Variants in DNAH14 observed in about 807,000 individuals in gnomAD.
DNAH14 encodes the protein axonemal beta dynein heavy chain 14.
Under a neutral mutation model 520.9 loss-of-function variants are expected in DNAH14, and 478 were observed. The ratio of observed to expected loss-of-function variants is 0.92; its 90% CI spans 0.85 to 0.99. DNAH14 has a LOEUF of 0.99. DNAH14 is among the 50% of genes least tolerant of loss of function. The pLI, the probability that DNAH14 is intolerant of heterozygous loss-of-function variation, is 0.00. For missense variants in DNAH14, 4,831 were observed against 5,234.5 expected (o/e 0.92, Z 2.38); for synonymous variants, 1,581 against 1,757.2 (o/e 0.90, Z 2.51).
Position 225,335,686 on chromosome 1 carries a change from C to T in DNAH14, c.10081-1580C>T, listed in dbSNP as rs1206383516. Among the ~76,000 whole-genome samples the T allele has an allele frequency of 1.3e-4, 11 of 86,482 alleles. 3 individuals carry two copies. Among genetic ancestry groups the T allele is most frequent in the Admixed American group, 8.7e-4 (9 of 10,316 alleles). 56.7% of individuals were successfully genotyped at this position (86,482 alleles called of 152,430 possible). On this transcript the variant is annotated intron_variant, in intron 66 of 85. Transcript: ENST00000682510. ...ACATATGTGCATATATGTATATACGCATATATACATATGTGCATATATGTA... is the reference window on the plus strand; with the variant it reads ...ACATATGTGCATATATGTATATACGTATATATACATATGTGCATATATGTA...
intron 20 of DNAH14, among the ~76,000 whole-genome samples, chr1:225,083,425 G>A (rs942090207): frequency 5.3e-5 from 8 of 152,190 alleles, no homozygotes; most frequent in Non-Finnish European, 5.9e-5. Flanking sequence ...ACTTTTGTTT[G>A]TAAAACTTAG....
At chr1:225,152,656 G>A in intron 32 of DNAH14, 41 bp from the exon 33 acceptor site, 1 of 1,478,490 alleles carries the variant, frequency 6.8e-7, no homozygotes. Context: ...GAAAAATTGA[G>A]AAGTGGTGTT....
At chr1:225,210,662 C>A (rs895377708) in intron 41 of DNAH14, among the ~76,000 whole-genome samples, 1 of 152,228 alleles carries the variant, frequency 6.6e-6, no homozygotes, top group East Asian at 1.9e-4. Context: ...TGCTAAAGGA[C>A]AGACTGCCTC....
intron 43 of DNAH14, among the ~76,000 whole-genome samples, chr1:225,246,417 G>T (rs957392293): frequency 6.6e-6 from 1 of 152,202 alleles, no homozygotes; most frequent in East Asian, 1.9e-4. Flanking sequence ...CACAGCAAAA[G>T]AAACTATCAT....
chr1:224,986,991 A>G (rs2062687548), intron 8 of DNAH14, among the ~76,000 whole-genome samples: 1 of 152,260 alleles, frequency 6.6e-6, no homozygotes, highest in South Asian at 2.1e-4. Context: ...GTTACAGGAT[A>G]CAAAATGAAC....
chr1:224,989,480 G>A (rs1237753735), intron 8 of DNAH14, among the ~76,000 whole-genome samples: 2 of 151,568 alleles, frequency 1.3e-5, no homozygotes, highest in Non-Finnish European at 2.9e-5. Context: ...ATATTTTTTG[G>A]GATATTCTAC....
chr1:225,005,699 CTA>C (rs1305915825), intron 9 of DNAH14, among the ~76,000 whole-genome samples: 1 of 151,708 alleles, frequency 6.6e-6, no homozygotes, highest in African/African-American at 2.4e-5. Flanking sequence ...TATAATATAA[CTA>C]TATGATAAAA....
At chr1:225,349,700 A>G (rs1646404779) in intron 71 of DNAH14, among the ~76,000 whole-genome samples, 1 of 152,188 alleles carries the variant, frequency 6.6e-6, no homozygotes, top group Non-Finnish European at 1.5e-5. Context: ...TACAAAAGAC[A>G]AAGACAGACA....
At chr1:225,332,496 C>G (rs1015704795) in intron 65 of DNAH14, among the ~76,000 whole-genome samples, 1 of 152,042 alleles carries the variant, frequency 6.6e-6, no homozygotes, top group African/African-American at 2.4e-5. Flanking sequence ...GGGTTCAGAT[C>G]CCAGCTACAC....
At chr1:225,003,080 G>T (rs1401310787) in intron 9 of DNAH14, among the ~76,000 whole-genome samples, 153 bp downstream of exon 9, 2 of 151,972 alleles carry the variant, frequency 1.3e-5, no homozygotes, top group Non-Finnish European at 2.9e-5. Context: ...AAGAATGTGA[G>T]TTCCTTGCAA....
At chr1:225,332,838 A>G (rs1163893035) in intron 65 of DNAH14, among the ~76,000 whole-genome samples, 2 of 151,608 alleles carry the variant, frequency 1.3e-5, no homozygotes, top group East Asian at 3.9e-4. Flanking sequence ...TACAAAAAAA[A>G]AAAAAAAAAA....
intron 26 of DNAH14, among the ~76,000 whole-genome samples, chr1:225,123,069 G>T (rs758948531): frequency 6.6e-5 from 10 of 152,072 alleles, no homozygotes; most frequent in South Asian, 6.2e-4. Context: ...CACATTAACT[G>T]TTGTCTTAAA....
chr1:225,373,039 G>A (rs911191405), intron 77 of DNAH14, among the ~76,000 whole-genome samples: 5 of 152,100 alleles, frequency 3.3e-5, no homozygotes, highest in Non-Finnish European at 7.4e-5. Context: ...TAGTGGCAGG[G>A]ATGAGAGAAT....
intron 12 of DNAH14, among the ~76,000 whole-genome samples, chr1:225,039,819 A>G (rs1289977873): frequency 8.9e-6 from 1 of 111,744 alleles, no homozygotes; most frequent in Non-Finnish European, 1.7e-5. Flanking sequence ...CGGAGCTTGC[A>G]GTGAGCCGAG....
chr1:224,988,605 A>G (rs1165395291), intron 8 of DNAH14, among the ~76,000 whole-genome samples: 1 of 152,200 alleles, frequency 6.6e-6, no homozygotes, highest in African/African-American at 2.4e-5. Context: ...TGACCCAGCA[A>G]TTCCATTATT....
intron 55 of DNAH14, among the ~76,000 whole-genome samples, chr1:225,295,202 A>T (rs2093981422): frequency 6.6e-6 from 1 of 151,896 alleles, no homozygotes; most frequent in South Asian, 2.1e-4. Flanking sequence ...TTGCAAAAAA[A>T]CTTTTGGTTG....
At chr1:224,974,176 TA>T in intron 8 of DNAH14, 23 bp downstream of exon 8, 1 of 1,423,984 alleles carries the variant, frequency 7.0e-7, no homozygotes, top group Non-Finnish European at 9.3e-7. Context: ...ACGCAATATA[TA>T]AAAATTTCAA....
intron 1 of DNAH14, among the ~76,000 whole-genome samples, chr1:224,942,743 T>TC (rs199510907): frequency 0.15 from 22,864 of 152,084 alleles, 3,160 homozygotes; most frequent in African/African-American, 0.36. Flanking sequence ...AAAGGCCTTT[T>TC]CACATCTATT....
intron 42 of DNAH14, among the ~76,000 whole-genome samples, chr1:225,234,440 A>G (rs1558109740): frequency 2.6e-5 from 4 of 152,122 alleles, no homozygotes; most frequent in Admixed American, 2.6e-4. Flanking sequence ...CGCCCACCTC[A>G]GCCTCCCAAA....
Sources: allele counts gnomAD v4.1 joint callset (sites outside exome capture counted in the v4.1 genomes callset), GRCh38; gene constraint gnomAD v4.1.1; transcripts MANE v1.5; gene names NCBI Gene and HGNC (gene_info 2026-07-23, HGNC 2026-07-21).